The following SLC18A1 variants were observed in gnomAD, a reference collection of about 807,000 sequenced individuals.
The protein encoded by SLC18A1 is chromaffin granule amine transporter.
SLC18A1 carries 69 observed loss-of-function variants against 53.7 expected under a neutral mutation model. The observed-to-expected ratio is 1.28, with a 90% CI of 1.06 to 1.57. The LOEUF (loss-of-function observed/expected upper bound fraction) is 1.57, where lower values mean the gene tolerates loss of function less well. Among genes scored for constraint, SLC18A1 ranks in the 40% most tolerant of loss-of-function variants. SLC18A1 has a pLI of 0.00. For synonymous variants in SLC18A1, 320 were observed against 248.1 expected (o/e 1.29, Z -2.72); for missense variants, 932 against 668.1 (o/e 1.40, Z -4.35).
chr8:20,166,287 G>GTGTGTGTGTGTA (rs1235212014), intron 8 of SLC18A1, among the ~76,000 whole-genome samples: 2 of 78,998 alleles, frequency 2.5e-5, no homozygotes, highest in African/African-American at 1.1e-4. Flanking sequence ...GTGTGTGTGT[G>GTGTGTGTGTGTA]TCTATATATA....
chr8:20,171,351 C>G, intron 7 of SLC18A1, 54 bp downstream of exon 7: 1 of 1,473,594 alleles, frequency 6.8e-7, no homozygotes, highest in Non-Finnish European at 9.5e-7. Flanking sequence ...CAACATAATG[C>G]ATTCCCAACC....
At chr8:20,153,177 G>C (rs768770530) in intron 10 of SLC18A1, among the ~76,000 whole-genome samples, 5 of 152,158 alleles carry the variant, frequency 3.3e-5, no homozygotes, top group Non-Finnish European at 5.9e-5. Context: ...CTTTAGGTTT[G>C]TGGCCATAAA....
chr8:20,152,482 C>G (rs569266583), intron 10 of SLC18A1, among the ~76,000 whole-genome samples: 4 of 152,184 alleles, frequency 2.6e-5, no homozygotes, highest in African/African-American at 7.2e-5. Context: ...GTGACATTTT[C>G]TGTTTGATTG....
rs559826904 is a variant in SLC18A1, at chr8:20,175,197, T to A, written c.548-753A>T. The A allele has an allele frequency of 2.4e-4, 37 of 152,344 alleles. 1 individual carries two copies. The highest frequency in any genetic ancestry group is 8.4e-4 in the African/African-American group (35 of 41,562). The allele number at this position is 152,344 out of a possible 1,614,324, so 9.4% of individuals were successfully genotyped here. On this transcript the variant is annotated intron_variant, in intron 4 of 15. Transcript: ENST00000276373. The stretch of plus-strand genomic sequence containing the variant: ...TGCCAGGCTCCCAGACAGTCAGACC[T>A]AATGGTTATCTCCCCTTGCTCCCTG...
intron 10 of SLC18A1, among the ~76,000 whole-genome samples, chr8:20,152,640 T>C (rs986666517): frequency 2.0e-5 from 3 of 152,106 alleles, no homozygotes; most frequent in Admixed American, 2.0e-4. Flanking sequence ...AAGTGACTGG[T>C]AGATATTCAA....
At chr8:20,170,098 G>A (rs34708641) in intron 8 of SLC18A1, among the ~76,000 whole-genome samples, 28,048 of 152,002 alleles carry the variant, frequency 0.18, 2,812 homozygotes, top group Non-Finnish European at 0.2. Context: ...TTGCCCTGAG[G>A]AGTCCTGGAT....
At chr8:20,150,832 T>G in intron 10 of SLC18A1, 88 bp from the exon 11 acceptor site, 1 of 1,194,712 alleles carries the variant, frequency 8.4e-7, no homozygotes, top group Non-Finnish European at 1.2e-6. Context: ...AGTCCACCCC[T>G]GTAACCTTCC....
rs146952005 is a variant in SLC18A1 at position 20,172,735 on chromosome 8, T to C, written c.724+301A>G. On this transcript the variant is annotated intron_variant, in intron 6 of 15. Transcript: ENST00000276373. ...TGCGTGTAACAGATTTAGCAGAGCA[T>C]CTGGCAGCAGCCATGCTCTGGTGCT... 5.5e-3 allele frequency among the ~76,000 whole-genome samples: 840 copies of C among 152,280 alleles called. 4 individuals are homozygous for C. Among genetic ancestry groups the C allele is most frequent in the Non-Finnish European group, 7.4e-3 (502 of 68,016 alleles).
At chr8:20,164,671 T>A (rs2071909162) in intron 10 of SLC18A1, among the ~76,000 whole-genome samples, 198 bp downstream of exon 10, 1 of 152,186 alleles carries the variant, frequency 6.6e-6, no homozygotes, top group Non-Finnish European at 1.5e-5. Flanking sequence ...ATAGCCCCTT[T>A]CATCCTCTCT....
intron 12 of SLC18A1, among the ~76,000 whole-genome samples, chr8:20,149,177 T>C (rs925667233): frequency 6.6e-6 from 1 of 152,176 alleles, no homozygotes; most frequent in Non-Finnish European, 1.5e-5. Flanking sequence ...GGGGGATTCT[T>C]GGAAATGGAA....
intron 4 of SLC18A1, 75 bp from the exon 5 acceptor site, chr8:20,174,519 C>T (rs1047563116): frequency 8.2e-5 from 74 of 901,094 alleles, no homozygotes; most frequent in Middle Eastern, 2.1e-4. Flanking sequence ...AGAACATGCC[C>T]GTGATACTGC....
At chr8:20,167,049 C>G (rs997884864) in intron 8 of SLC18A1, among the ~76,000 whole-genome samples, 1 of 151,882 alleles carries the variant, frequency 6.6e-6, no homozygotes, top group African/African-American at 2.4e-5. Flanking sequence ...GTTTAAGCTA[C>G]CCAATCTGTA....
At chr8:20,161,189 T>C (rs1395220899) in intron 10 of SLC18A1, among the ~76,000 whole-genome samples, 1 of 152,192 alleles carries the variant, frequency 6.6e-6, no homozygotes, top group Non-Finnish European at 1.5e-5. Flanking sequence ...ATCCAGAGTC[T>C]TGTCTAAATT....
In SLC18A1 at chr8:20,166,287, G is replaced by GTGTATATATATATATA. The variant is rs1235212014; in HGVS notation, c.859-1181_859-1180insTATATATATATATACA. 1.0e-4 allele frequency among the ~76,000 whole-genome samples: 8 copies of GTGTATATATATATATA among 78,994 alleles called. 1 individual carries two copies. The highest frequency in any genetic ancestry group is 1.5e-4 in the Non-Finnish European group (6 of 41,200). 51.8% of individuals were successfully genotyped at this position (78,994 alleles called of 152,430 possible). A position where few individuals can be genotyped will look rare whatever the true frequency, so the allele number is the denominator to read the frequency against. ...CAAAATTGTGTGTGGGTGTGTGTGT[G>GTGTATATATATATATA]TCTATATATATATATATATATATAT... On this transcript the variant is annotated intron_variant, in intron 8 of 15. Coordinates refer to ENST00000276373, the MANE Select transcript of SLC18A1 (RefSeq NM_003053.4).
intron 12 of SLC18A1, chr8:20,148,364 G>T (rs1463926280): frequency 2.4e-5 from 22 of 925,436 alleles, no homozygotes; most frequent in Non-Finnish European, 3.0e-5. Flanking sequence ...TCTAACGAGG[G>T]TCTTCCTCTG....
chr8:20,145,030 A>C lies in SLC18A1; in HGVS notation c.*733T>G, dbSNP rs2071359261. 6.6e-6 allele frequency: 1 copy of C among 152,076 alleles called. No homozygotes were observed. The highest frequency in any genetic ancestry group is 2.4e-5 in the African/African-American group (1 of 41,382). 9.4% of individuals were successfully genotyped at this position (152,076 alleles called of 1,614,324 possible). On this transcript the variant is annotated 3_prime_UTR_variant, in exon 16 of 16. Transcript: ENST00000276373. ...TCTTTCTTCTACTTTTATTTCTAAG[A>C]GTCTAAGAGGTTCAGAAAAGGTAGG... is the stretch of plus-strand genomic sequence containing the variant.
chr8:20,179,048 C>T (rs1258740069), intron 3 of SLC18A1, 73 bp downstream of exon 3: 7 of 1,509,200 alleles, frequency 4.6e-6, no homozygotes, highest in Non-Finnish European at 6.2e-6. Flanking sequence ...TTTTCCCTTC[C>T]AACCCCCTTT....
At chr8:20,148,502 C>A (rs1409475355) in intron 12 of SLC18A1, 1 of 1,285,366 alleles carries the variant, frequency 7.8e-7, no homozygotes, top group Non-Finnish European at 1.0e-6. Context: ...TTCATTTAGA[C>A]TTCTAACTTG....
intron 8 of SLC18A1, among the ~76,000 whole-genome samples, chr8:20,165,380 G>A (rs966013462): frequency 2.6e-5 from 4 of 152,094 alleles, no homozygotes; most frequent in African/African-American, 9.7e-5. Context: ...CTGCGTTCAC[G>A]TGACCATCAA....
Sources: allele counts gnomAD v4.1 joint callset (sites outside exome capture counted in the v4.1 genomes callset), GRCh38; gene constraint gnomAD v4.1.1; transcripts MANE v1.5; gene names NCBI Gene and HGNC (gene_info 2026-07-23, HGNC 2026-07-21).